The following HDAC9 variants were observed in gnomAD, a reference collection of about 807,000 sequenced individuals.
HDAC9 encodes the protein MEF-2 interacting transcription repressor (MITR) protein.
Under a neutral mutation model 139.4 loss-of-function variants are expected in HDAC9, and 41 were observed. The observed-to-expected ratio is 0.29, with a 90% CI of 0.23 to 0.38. The LOEUF is 0.38. Among genes scored for constraint, HDAC9 ranks in the 10% least tolerant of loss-of-function variants. HDAC9 has a pLI of 1.00. For synonymous variants in HDAC9, 517 were observed against 476.2 expected, an observed-to-expected ratio of 1.09 and a Z score of -1.12; for missense variants, 1,147 against 1,297.0, an observed-to-expected ratio of 0.88 and a Z score of 1.78.
chr7:18,585,188 T>G (rs1829077529), intron 2 of HDAC9, 93 bp from the exon 3 acceptor site: 1 of 1,421,724 alleles, frequency 7.0e-7, no homozygotes, highest in African/African-American at 1.4e-5. Context: ...GTACAGGGTC[T>G]TATACTTTTT....
chr7:18,947,124 G>A (rs763508423), intron 23 of HDAC9, among the ~76,000 whole-genome samples: 21 of 151,980 alleles, frequency 1.4e-4, no homozygotes, highest in Admixed American at 1.1e-3. Context: ...GATATATAAA[G>A]CTGAACTTAG....
At chr7:18,482,380 CAAAAAAAAAAAAAAAAAAAAAA>C (rs566243064) in intron 1 of HDAC9, among the ~76,000 whole-genome samples, 2,245 of 32,408 alleles carry the variant, frequency 0.069, 113 homozygotes, top group Middle Eastern at 0.22. Context: ...CTGGACTCAC[CAAAAAAAAAAAAAAAAAAAAAA>C]AAAAAAAAAA....
intron 22 of HDAC9, among the ~76,000 whole-genome samples, chr7:18,900,665 C>G (rs1801620695): frequency 6.6e-6 from 1 of 152,178 alleles, no homozygotes. Flanking sequence ...CCAATATCTT[C>G]TAATTCCCTG....
intron 1 of HDAC9, among the ~76,000 whole-genome samples, chr7:18,136,087 T>G (rs1290654757): frequency 1.3e-5 from 2 of 150,518 alleles, no homozygotes; most frequent in Non-Finnish European, 2.9e-5. Flanking sequence ...GTTTTTTGGC[T>G]GTATAAATGT....
intron 2 of HDAC9, among the ~76,000 whole-genome samples, chr7:18,242,359 C>G (rs1346300519): frequency 1.3e-5 from 2 of 152,084 alleles, no homozygotes; most frequent in African/African-American, 4.8e-5. Flanking sequence ...GTTGTAAGCT[C>G]TAGGTTACTG....
At chr7:18,683,505 A>G (rs1455207619) in intron 12 of HDAC9, among the ~76,000 whole-genome samples, 1 of 151,904 alleles carries the variant, frequency 6.6e-6, no homozygotes, top group African/African-American at 2.4e-5. Context: ...TGGTTCTTCT[A>G]AAGACTGAAA....
chr7:18,548,239 T>C (rs144441256), intron 2 of HDAC9, among the ~76,000 whole-genome samples: 27 of 152,246 alleles, frequency 1.8e-4, no homozygotes, highest in African/African-American at 6.0e-4. Flanking sequence ...CGCCGTCTTA[T>C]ATGGGTGTGG....
chr7:18,292,971 C>T (rs545228861), intron 1 of HDAC9, among the ~76,000 whole-genome samples: 1 of 152,074 alleles, frequency 6.6e-6, no homozygotes, highest in African/African-American at 2.4e-5. Context: ...TTTTTCCCCT[C>T]CAATAGAGTA....
chr7:18,625,361 AGCTGCCATTGACT>A (rs796903284), intron 6 of HDAC9, among the ~76,000 whole-genome samples: 23 of 152,290 alleles, frequency 1.5e-4, no homozygotes, highest in African/African-American at 5.5e-4. Flanking sequence ...AATTATTAAC[AGCTGCCATTGACT>A]GATTGCCTGT....
intron 1 of HDAC9, among the ~76,000 whole-genome samples, chr7:18,468,065 A>G (rs1794429673): frequency 6.6e-6 from 1 of 152,204 alleles, no homozygotes; most frequent in South Asian, 2.1e-4. Context: ...AATGATGCAG[A>G]GGGTACATAT....
At chr7:18,486,414 A>C (rs988342302) in intron 1 of HDAC9, among the ~76,000 whole-genome samples, 1 of 152,114 alleles carries the variant, frequency 6.6e-6, no homozygotes, top group African/African-American at 2.4e-5. Flanking sequence ...TAGACCATGT[A>C]GGATCTCTTT....
At chr7:18,916,968 CTGAG>C (rs1299382321) in intron 22 of HDAC9, among the ~76,000 whole-genome samples, 1 of 151,900 alleles carries the variant, frequency 6.6e-6, no homozygotes, top group East Asian at 1.9e-4. Flanking sequence ...AGAGGCTTTC[CTGAG>C]TATTGCTGGG....
intron 1 of HDAC9, among the ~76,000 whole-genome samples, chr7:18,154,786 A>G (rs568172277): frequency 4.6e-5 from 7 of 152,212 alleles, no homozygotes; most frequent in Admixed American, 4.6e-4. Context: ...GAATCATATC[A>G]CTCTTAATTA....
intron 1 of HDAC9, among the ~76,000 whole-genome samples, chr7:18,138,436 A>G (rs1233331361): frequency 6.6e-6 from 1 of 151,836 alleles, no homozygotes; most frequent in African/African-American, 2.4e-5. Context: ...GTTTTAGGAG[A>G]TGGAGGGAGT....
chr7:18,465,082 C>A (rs1340995855), intron 1 of HDAC9, among the ~76,000 whole-genome samples: 1 of 151,922 alleles, frequency 6.6e-6, no homozygotes, highest in Non-Finnish European at 1.5e-5. Context: ...ATTTGTAGAG[C>A]TTTTTTAGTT....
At chr7:18,343,624 A>G (rs1218134357) in intron 1 of HDAC9, among the ~76,000 whole-genome samples, 1 of 151,880 alleles carries the variant, frequency 6.6e-6, no homozygotes, top group East Asian at 1.9e-4. Flanking sequence ...TGCTTAATGT[A>G]CATTTTTAAA....
intron 2 of HDAC9, among the ~76,000 whole-genome samples, chr7:18,508,135 TGG>T (rs1800367329): frequency 6.6e-6 from 1 of 152,152 alleles, no homozygotes; most frequent in African/African-American, 2.4e-5. Flanking sequence ...AATGGAATGA[TGG>T]ATGGATAGAT....
intron 1 of HDAC9, among the ~76,000 whole-genome samples, chr7:18,468,410 T>C (rs1794468966): frequency 6.6e-6 from 1 of 152,182 alleles, no homozygotes; most frequent in Non-Finnish European, 1.5e-5. Context: ...CAAATTGTTA[T>C]AGCTTTAACC....
chr7:18,840,271 C>G (rs900909945), intron 21 of HDAC9, among the ~76,000 whole-genome samples: 1 of 151,990 alleles, frequency 6.6e-6, no homozygotes, highest in East Asian at 1.9e-4. Flanking sequence ...TAAATATCAT[C>G]TTTTCATGTC....
Sources: gnomAD v4.1 joint callset for allele counts (sites outside exome capture counted in the v4.1 genomes callset) on GRCh38, gnomAD v4.1.1 for gene constraint, MANE v1.5 for transcripts, NCBI Gene and HGNC (gene_info 2026-07-23, HGNC 2026-07-21) for gene names.